The following MAF variants were observed in gnomAD, a reference collection of about 807,000 sequenced individuals.
MAF encodes the protein MAF bZIP transcription factor, also known as transcription factor Maf.
Under a neutral mutation model 22.0 loss-of-function variants are expected in MAF, and 10 were observed. The observed-to-expected ratio is 0.45, with a 90% confidence interval of 0.28 to 0.77. The LOEUF is 0.77. Ranked by LOEUF, MAF falls within the 30% of genes least tolerant of loss-of-function variation. The pLI, the probability that MAF is intolerant of heterozygous loss-of-function variation, is 0.12. For synonymous variants in MAF, 337 were observed against 255.8 expected, an observed-to-expected ratio of 1.32 and a Z score of -3.03; for missense variants, 544 against 548.4, an observed-to-expected ratio of 0.99 and a Z score of 0.08.
At chr16:79,496,710 C>T in the MAF span, among the ~76,000 whole-genome samples, 2 of 152,200 alleles carry the variant, frequency 1.3e-5, no homozygotes, top group Admixed American at 6.5e-5. Flanking sequence ...TGCTTCAATG[C>T]AAGCACATTT....
the MAF span, among the ~76,000 whole-genome samples, chr16:79,504,847 G>C: frequency 6.6e-6 from 1 of 152,094 alleles, no homozygotes; most frequent in East Asian, 1.9e-4. Flanking sequence ...CTTTTCCCTT[G>C]ACTACAAGAC....
chr16:79,586,134 G>A (rs559554802), intron 1 of MAF, among the ~76,000 whole-genome samples: 2 of 152,132 alleles, frequency 1.3e-5, no homozygotes, highest in Non-Finnish European at 2.9e-5. Flanking sequence ...GGTTGACGTG[G>A]AAGGGAATGG....
the MAF span, among the ~76,000 whole-genome samples, chr16:79,534,476 A>C: frequency 2.0e-5 from 3 of 152,006 alleles, no homozygotes; most frequent in Non-Finnish European, 4.4e-5. Flanking sequence ...GTGAGTGTTG[A>C]TGAATTACAT....
the MAF span, among the ~76,000 whole-genome samples, chr16:79,283,891 G>T: frequency 2.7e-5 from 4 of 150,788 alleles, no homozygotes; most frequent in Non-Finnish European, 4.4e-5. Flanking sequence ...TCCTGCACGG[G>T]GTAGCTGGGG....
chr16:79,584,339 A>G (rs538350415), downstream of MAF, among the ~76,000 whole-genome samples: 9 of 152,286 alleles, frequency 5.9e-5, no homozygotes, highest in South Asian at 1.7e-3. Context: ...CAAGTATTGA[A>G]CTTTTCATAT....
At chr16:79,285,309 G>A in the MAF span, among the ~76,000 whole-genome samples, 10 of 151,946 alleles carry the variant, frequency 6.6e-5, no homozygotes, top group South Asian at 2.1e-4. Flanking sequence ...TAATATATAC[G>A]GCCCCGCTTT....
chr16:79,240,558 A>T, the MAF span, among the ~76,000 whole-genome samples: 1 of 147,008 alleles, frequency 6.8e-6, no homozygotes, highest in South Asian at 2.2e-4. Context: ...GCTTATTGAT[A>T]AAAAACCCCC....
chr16:79,408,965 T>A, the MAF span, among the ~76,000 whole-genome samples: 82 of 77,716 alleles, frequency 1.1e-3, no homozygotes, highest in African/African-American at 2.3e-3. Flanking sequence ...TTTTTTTTTT[T>A]AAATTAGGAT....
the MAF span, among the ~76,000 whole-genome samples, chr16:79,209,295 G>C: frequency 6.6e-6 from 1 of 152,218 alleles, no homozygotes; most frequent in Admixed American, 6.5e-5. Flanking sequence ...TGGGACTGCA[G>C]AATTTCTTAG....
the MAF span, among the ~76,000 whole-genome samples, chr16:79,399,309 T>A: frequency 1.3e-5 from 2 of 152,228 alleles, no homozygotes; most frequent in African/African-American, 4.8e-5. Context: ...ACAAGACAAC[T>A]ATATATTAAG....
the MAF span, among the ~76,000 whole-genome samples, chr16:79,504,640 G>C: frequency 1.3e-5 from 2 of 151,998 alleles, no homozygotes; most frequent in Non-Finnish European, 2.9e-5. Flanking sequence ...TGAATGGATG[G>C]ATAAATAAAT....
At chr16:79,355,047 A>G in the MAF span, among the ~76,000 whole-genome samples, 20 of 151,698 alleles carry the variant, frequency 1.3e-4, no homozygotes, top group Non-Finnish European at 2.5e-4. Flanking sequence ...CAAATGTAAA[A>G]GATTTCTTCT....
the MAF span, among the ~76,000 whole-genome samples, chr16:79,309,330 C>T: frequency 1.4e-4 from 22 of 152,162 alleles, no homozygotes; most frequent in African/African-American, 4.8e-4. Context: ...GTAGAAGATT[C>T]GCTTAAGGTT....
the MAF span, among the ~76,000 whole-genome samples, chr16:79,392,687 G>A: frequency 0.34 from 51,066 of 152,016 alleles, 9,679 homozygotes; most frequent in Non-Finnish European, 0.44. Context: ...GGAAGAGGGT[G>A]AGACTTAGAG....
chr16:79,290,378 G>C, the MAF span, among the ~76,000 whole-genome samples: 2 of 152,214 alleles, frequency 1.3e-5, no homozygotes, highest in African/African-American at 4.8e-5. Context: ...CTAGTTACAT[G>C]GGTCATCGAG....
At chr16:79,546,867 A>G in the MAF span, among the ~76,000 whole-genome samples, 1 of 152,192 alleles carries the variant, frequency 6.6e-6, no homozygotes, top group African/African-American at 2.4e-5. Context: ...ATGGACTTAT[A>G]TGACATGTTT....
the MAF span, among the ~76,000 whole-genome samples, chr16:79,326,054 C>T: frequency 1.3e-5 from 2 of 152,192 alleles, no homozygotes; most frequent in Non-Finnish European, 2.9e-5. Flanking sequence ...GCCTGTTGTG[C>T]CACCTTTGGC....
the MAF span, among the ~76,000 whole-genome samples, chr16:79,409,222 CAAT>C: frequency 2.0e-5 from 3 of 152,110 alleles, no homozygotes; most frequent in Non-Finnish European, 4.4e-5. Context: ...TAGAAAAAAA[CAAT>C]AATATTTGAA....
At chr16:79,550,350 GAC>G in the MAF span, among the ~76,000 whole-genome samples, 3 of 113,074 alleles carry the variant, frequency 2.7e-5, no homozygotes, top group Non-Finnish European at 6.0e-5. Context: ...GAGAGAGAGA[GAC>G]AGACAGACAG....
Sources: allele counts gnomAD v4.1 joint callset (sites outside exome capture counted in the v4.1 genomes callset), GRCh38; gene constraint gnomAD v4.1.1; transcripts MANE v1.5; gene names NCBI Gene and HGNC (gene_info 2026-07-23, HGNC 2026-07-21).